Variants in PRELID2 observed in about 807,000 individuals in gnomAD.
PRELID2 encodes the protein PRELI domain containing 2.
Under a neutral mutation model 28.4 loss-of-function variants are expected in PRELID2, and 25 were observed. The observed-to-expected ratio is 0.88, with a 90% CI of 0.64 to 1.23. PRELID2 has a LOEUF of 1.23. Ranked by LOEUF, PRELID2 falls within the 50% of genes most tolerant of loss-of-function variation. The probability of loss-of-function intolerance (pLI) is 0.00; values close to 1 mark genes in which losing one functional copy is unlikely to be tolerated. For synonymous variants in PRELID2, 76 were observed against 71.6 expected, an observed-to-expected ratio of 1.06 and a Z score of -0.31; for missense variants, 201 against 214.4, an observed-to-expected ratio of 0.94 and a Z score of 0.39.
At chr5:145,768,285 A>G (rs1303755665) in intron 5 of PRELID2, among the ~76,000 whole-genome samples, 8 of 151,758 alleles carry the variant, frequency 5.3e-5, no homozygotes, top group Admixed American at 5.3e-4. Context: ...GGACGAAACA[A>G]CCAGTGAAAT....
At chr5:145,722,722 T>A (rs1756025151) in intron 1 of PRELID2, among the ~76,000 whole-genome samples, 1 of 151,880 alleles carries the variant, frequency 6.6e-6, no homozygotes, top group Non-Finnish European at 1.5e-5. Flanking sequence ...CTGATCTTGA[T>A]CTCCTGTTCT....
At chr5:145,441,330 T>A in the PRELID2 span, among the ~76,000 whole-genome samples, 1 of 151,742 alleles carries the variant, frequency 6.6e-6, no homozygotes, top group Non-Finnish European at 1.5e-5. Context: ...CTCTTGAATC[T>A]ATTCCTTTCT....
chr5:145,748,629 A>C (rs1034421313), intron 1 of PRELID2, among the ~76,000 whole-genome samples: 4 of 152,204 alleles, frequency 2.6e-5, no homozygotes, highest in Non-Finnish European at 5.9e-5. Context: ...AACTACTTTA[A>C]ATTTCATATA....
At chr5:145,801,687 C>T (rs1438257939) in intron 4 of PRELID2, among the ~76,000 whole-genome samples, 1 of 152,176 alleles carries the variant, frequency 6.6e-6, no homozygotes, top group African/African-American at 2.4e-5. Flanking sequence ...ATCTTAATGT[C>T]ATGAGGATTC....
At chr5:145,803,701 C>A (rs1314823759) in intron 4 of PRELID2, among the ~76,000 whole-genome samples, 1 of 145,286 alleles carries the variant, frequency 6.9e-6, no homozygotes. Flanking sequence ...TTATGCTGTT[C>A]TACTACAACC....
At chr5:145,634,089 A>G (rs561999139) in intron 1 of PRELID2, among the ~76,000 whole-genome samples, 3 of 152,322 alleles carry the variant, frequency 2.0e-5, no homozygotes, top group African/African-American at 7.2e-5. Context: ...ATAATCCCAG[A>G]AAATAGTTGC....
the PRELID2 span, among the ~76,000 whole-genome samples, chr5:145,273,222 G>C: frequency 6.6e-6 from 1 of 152,056 alleles, no homozygotes; most frequent in Non-Finnish European, 1.5e-5. Flanking sequence ...ATTTTCCTAG[G>C]GGTTCTACTA....
intron 1 of PRELID2, among the ~76,000 whole-genome samples, chr5:145,662,558 G>T (rs566795007): frequency 6.6e-6 from 1 of 152,240 alleles, no homozygotes; most frequent in Non-Finnish European, 1.5e-5. Context: ...GTATTGAGAG[G>T]TAGGGCTGTG....
chr5:145,413,182 C>T, the PRELID2 span, among the ~76,000 whole-genome samples: 1 of 151,906 alleles, frequency 6.6e-6, no homozygotes. Flanking sequence ...GGGCAAAGGA[C>T]ATAAATAGAC....
chr5:145,623,070 T>C (rs1385134512), intron 1 of PRELID2, among the ~76,000 whole-genome samples: 1 of 152,034 alleles, frequency 6.6e-6, no homozygotes, highest in Admixed American at 6.6e-5. Context: ...TTTAGAATGG[T>C]AAAGACTTTC....
chr5:145,333,571 G>C, the PRELID2 span, among the ~76,000 whole-genome samples: 1 of 152,130 alleles, frequency 6.6e-6, no homozygotes, highest in Non-Finnish European at 1.5e-5. Flanking sequence ...TTTACAGTTA[G>C]AGGGGAAAAC....
At chr5:145,572,319 T>C (rs987072156) in intron 1 of PRELID2, among the ~76,000 whole-genome samples, 1 of 152,232 alleles carries the variant, frequency 6.6e-6, no homozygotes, top group Non-Finnish European at 1.5e-5. Flanking sequence ...CTTGGGTGTA[T>C]GTTCCCAGGA....
At chr5:145,777,255 T>G (rs1311218821) in intron 5 of PRELID2, among the ~76,000 whole-genome samples, 2 of 152,106 alleles carry the variant, frequency 1.3e-5, no homozygotes, top group Non-Finnish European at 1.5e-5. Flanking sequence ...CAGGCTGGAG[T>G]GCAGCAGTTC....
intron 1 of PRELID2, among the ~76,000 whole-genome samples, chr5:145,719,819 C>A (rs1442716421): frequency 6.6e-6 from 1 of 151,810 alleles, no homozygotes; most frequent in African/African-American, 2.4e-5. Flanking sequence ...GTGCAATACC[C>A]CAAACTAAAT....
At chr5:145,549,780 G>A (rs1752818827) in intron 1 of PRELID2, among the ~76,000 whole-genome samples, 1 of 151,026 alleles carries the variant, frequency 6.6e-6, no homozygotes, top group South Asian at 2.1e-4. Context: ...GGGTGACAGA[G>A]CGAGATTCAG....
chr5:145,730,748 C>A (rs1020526643), intron 1 of PRELID2, among the ~76,000 whole-genome samples: 2 of 152,190 alleles, frequency 1.3e-5, no homozygotes, highest in African/African-American at 2.4e-5. Context: ...GTCGGCATGA[C>A]CATAAACCAC....
intron 1 of PRELID2, among the ~76,000 whole-genome samples, chr5:145,489,493 A>T (rs1228599033): frequency 6.6e-6 from 1 of 152,222 alleles, no homozygotes; most frequent in African/African-American, 2.4e-5. Context: ...AGATGAGGGA[A>T]CTGAGGCTGT....
chr5:145,684,523 T>C (rs979834603), intron 1 of PRELID2, among the ~76,000 whole-genome samples: 1 of 152,256 alleles, frequency 6.6e-6, no homozygotes, highest in Non-Finnish European at 1.5e-5. Flanking sequence ...TGCTTGCCCA[T>C]GTGCAGGCAC....
At chr5:145,483,611 A>G (rs1227851249) in intron 1 of PRELID2, among the ~76,000 whole-genome samples, 1 of 152,226 alleles carries the variant, frequency 6.6e-6, no homozygotes, top group East Asian at 1.9e-4. Flanking sequence ...AAGAGGTTGT[A>G]TTACCAACTT....
Sources: gnomAD v4.1 joint callset for allele counts (sites outside exome capture counted in the v4.1 genomes callset) on GRCh38, gnomAD v4.1.1 for gene constraint, MANE v1.5 for transcripts, NCBI Gene and HGNC (gene_info 2026-07-23, HGNC 2026-07-21) for gene names.